Variants in IFT88 observed in about 807,000 individuals in gnomAD.
IFT88 encodes intraflagellar transport 88.
Under a neutral mutation model 119.5 loss-of-function variants are expected in IFT88, and 74 were observed. The observed-to-expected ratio is 0.62, with a 90% CI of 0.51 to 0.75. The LOEUF (loss-of-function observed/expected upper bound fraction) is 0.75. Among genes scored for constraint, IFT88 ranks in the 30% least tolerant of loss-of-function variants. The probability of loss-of-function intolerance (pLI) is 0.00; values close to 1 mark genes in which losing one functional copy is unlikely to be tolerated. For missense variants in IFT88, 961 were observed against 977.7 expected (o/e 0.98, Z 0.23); for synonymous variants, 279 against 316.7 (o/e 0.88, Z 1.26).
chr13:20,690,281 C>T (rs1758282905), intron 24 of IFT88, among the ~76,000 whole-genome samples: 1 of 152,142 alleles, frequency 6.6e-6, no homozygotes. Context: ...ACAGAAATTT[C>T]TGGTTAAAAA....
chr13:20,625,914 G>T, intron 15 of IFT88, 65 bp downstream of exon 15: 1 of 696,434 alleles, frequency 1.4e-6, no homozygotes, highest in Non-Finnish European at 2.4e-6. Context: ...TTAAAAACAG[G>T]TAAACTCCTT....
chr13:20,607,095 A>G (rs1263787897), intron 13 of IFT88, among the ~76,000 whole-genome samples: 1 of 152,136 alleles, frequency 6.6e-6, no homozygotes, highest in Non-Finnish European at 1.5e-5. Flanking sequence ...GTGGTCAACT[A>G]GGTGATCCTG....
chr13:20,636,030 A>C (rs2048977515), intron 16 of IFT88, among the ~76,000 whole-genome samples: 1 of 152,162 alleles, frequency 6.6e-6, no homozygotes, highest in East Asian at 1.9e-4. Flanking sequence ...CCTTTAATCC[A>C]AACTAGCAAC....
chr13:20,595,208 C>T (rs894542149), intron 7 of IFT88, among the ~76,000 whole-genome samples: 1 of 152,142 alleles, frequency 6.6e-6, no homozygotes, highest in Non-Finnish European at 1.5e-5. Flanking sequence ...AGCCGTAGTG[C>T]ATTATGATTG....
At chr13:20,678,799 G>A (rs2056992082) in intron 24 of IFT88, among the ~76,000 whole-genome samples, 1 of 152,190 alleles carries the variant, frequency 6.6e-6, no homozygotes, top group South Asian at 2.1e-4. Flanking sequence ...AAGCGATAAA[G>A]ACAAAGGCAG....
intron 24 of IFT88, among the ~76,000 whole-genome samples, chr13:20,671,979 G>A (rs2055952832): frequency 6.6e-6 from 1 of 152,078 alleles, no homozygotes; most frequent in Non-Finnish European, 1.5e-5. Context: ...TGTGCTAAGA[G>A]CCAAGGACAT....
chr13:20,644,711 C>T, intron 19 of IFT88, 132 bp from the exon 20 acceptor site: 1 of 501,420 alleles, frequency 2.0e-6, no homozygotes, highest in East Asian at 3.1e-5. Context: ...TTACAAAGTA[C>T]TTAGGACAGT....
At chr13:20,625,873 AT>A in intron 15 of IFT88, 24 bp downstream of exon 15, 8 of 1,261,396 alleles carry the variant, frequency 6.3e-6, no homozygotes, top group Non-Finnish European at 9.0e-6. Context: ...AAAATTTTAG[AT>A]GGAATTCCAT....
chr13:20,678,834 G>T (rs749894553), intron 24 of IFT88, among the ~76,000 whole-genome samples: 68 of 152,092 alleles, frequency 4.5e-4, no homozygotes, highest in African/African-American at 1.6e-3. Context: ...GCTACTTCTC[G>T]CAAGATTTGG....
At chr13:20,579,167 A>G (rs368100343) in intron 2 of IFT88, among the ~76,000 whole-genome samples, 3 of 152,286 alleles carry the variant, frequency 2.0e-5, no homozygotes. Flanking sequence ...TTCTCTCTTA[A>G]TACTGTTTTC....
At chr13:20,679,458 T>C (rs1337520282) in intron 24 of IFT88, among the ~76,000 whole-genome samples, 1 of 152,218 alleles carries the variant, frequency 6.6e-6, no homozygotes, top group African/African-American at 2.4e-5. Flanking sequence ...TATCGAAGAA[T>C]TTCAGTAATA....
intron 13 of IFT88, chr13:20,607,529 G>C (rs1331026659): frequency 1.4e-6 from 1 of 700,576 alleles, no homozygotes; most frequent in Non-Finnish European, 2.7e-6. Context: ...CCGCCACGCT[G>C]TGCTTCTTGT....
chr13:20,631,173 T>C (rs1327374040), intron 16 of IFT88, 71 bp downstream of exon 16: 1 of 967,074 alleles, frequency 1.0e-6, no homozygotes, highest in Non-Finnish European at 1.7e-6. Flanking sequence ...CCAAGGATCA[T>C]GCCTAGGGAG....
At chr13:20,620,267 G>A (rs2046268715) in intron 14 of IFT88, among the ~76,000 whole-genome samples, 2 of 151,668 alleles carry the variant, frequency 1.3e-5, no homozygotes, top group Admixed American at 1.3e-4. Context: ...CATGATTTAT[G>A]GAAAATAGTT....
At chr13:20,662,207 A>G (rs969689885) in intron 22 of IFT88, among the ~76,000 whole-genome samples, 3 of 152,152 alleles carry the variant, frequency 2.0e-5, no homozygotes, top group African/African-American at 7.2e-5. Flanking sequence ...ACCTCCAGCA[A>G]ACTCTAACAG....
chr13:20,573,462 T>C (rs1329611725), intron 1 of IFT88, among the ~76,000 whole-genome samples: 1 of 152,178 alleles, frequency 6.6e-6, no homozygotes, highest in Non-Finnish European at 1.5e-5. Flanking sequence ...AATTGTATTT[T>C]ATGCCTCAAT....
chr13:20,589,757 C>A (rs1022748164), intron 3 of IFT88, 54 bp from the exon 4 acceptor site: 2 of 1,057,056 alleles, frequency 1.9e-6, no homozygotes, highest in Non-Finnish European at 2.8e-6. Context: ...TTCCAGTTTT[C>A]TATTATATAG....
At chr13:20,672,072 A>T (rs1239817361) in intron 24 of IFT88, among the ~76,000 whole-genome samples, 1 of 152,232 alleles carries the variant, frequency 6.6e-6, no homozygotes, top group Non-Finnish European at 1.5e-5. Flanking sequence ...GGTGCTGTGG[A>T]TGCTGCCATG....
intron 1 of IFT88, among the ~76,000 whole-genome samples, chr13:20,572,467 T>C (rs1412391901): frequency 6.6e-6 from 1 of 152,112 alleles, no homozygotes; most frequent in Non-Finnish European, 1.5e-5. Flanking sequence ...AATCCACCCG[T>C]CTTGGCCCTC....
Sources: gnomAD v4.1 joint callset for allele counts (sites outside exome capture counted in the v4.1 genomes callset) on GRCh38, gnomAD v4.1.1 for gene constraint, MANE v1.5 for transcripts, NCBI Gene and HGNC (gene_info 2026-07-23, HGNC 2026-07-21) for gene names.